The following HKDC1 variants were observed in gnomAD, a reference collection of about 807,000 sequenced individuals.
The protein encoded by HKDC1 is hexokinase HKDC1.
HKDC1 carries 66 observed loss-of-function variants against 96.6 expected under a neutral mutation model. That is an observed-to-expected ratio of 0.68 (90% confidence interval 0.56 to 0.84). The LOEUF (loss-of-function observed/expected upper bound fraction) is 0.84, where lower values mean the gene tolerates loss of function less well. Among genes scored for constraint, HKDC1 ranks in the 40% least tolerant of loss-of-function variants. The pLI, the probability that HKDC1 is intolerant of heterozygous loss-of-function variation, is 0.00. For synonymous variants in HKDC1, 466 were observed against 473.1 expected (o/e 0.98, Z 0.20); for missense variants, 1,211 against 1,208.1 (o/e 1.00, Z -0.04).
intron 1 of HKDC1, among the ~76,000 whole-genome samples, chr10:69,224,994 C>T (rs1476803776): frequency 6.6e-6 from 1 of 152,160 alleles, no homozygotes; most frequent in African/African-American, 2.4e-5. Flanking sequence ...TTCACTTTTC[C>T]CTTCTAACAA....
chr10:69,233,664 C>G (rs556200397), intron 4 of HKDC1, among the ~76,000 whole-genome samples: 1 of 150,988 alleles, frequency 6.6e-6, no homozygotes, highest in Non-Finnish European at 1.5e-5. Flanking sequence ...TTTGGGAGGC[C>G]GAGGCGGGCG....
In HKDC1 at chr10:69,266,463, T is replaced by TGAAA. The variant is rs1554871468; in HGVS notation, c.2607-147_2607-146insGAAA. 3.3e-3 allele frequency: 1,804 copies of TGAAA among 548,568 alleles called. 8 individuals carry two copies. The highest frequency in any genetic ancestry group is 4.5e-3 in the Non-Finnish European group (1,544 of 344,020). The allele number at this position is 548,568 out of a possible 1,614,324, so 34.0% of individuals were successfully genotyped here. A position where few individuals can be genotyped will look rare whatever the true frequency, so the allele number is the denominator to read the frequency against. Reference sequence around the variant, plus strand: ...CTGGGCAACAGAGTGAGACCATGTCTAAAAAAAAAAAAAAATTAGAAGAAG... The same window carrying TGAAA: ...CTGGGCAACAGAGTGAGACCATGTCTGAAAAAAAAAAAAAAAAAATTAGAAGAAG... On this transcript the variant is annotated intron_variant, in intron 17 of 17. Coordinates refer to ENST00000354624, the MANE Select transcript of HKDC1 (RefSeq NM_025130.4).
At chr10:69,261,362 C>T in intron 16 of HKDC1, 68 bp downstream of exon 16, 3 of 1,488,250 alleles carry the variant, frequency 2.0e-6, no homozygotes, top group Non-Finnish European at 2.8e-6. Context: ...GGGGTTGGGC[C>T]AATTTGAGGT....
intron 4 of HKDC1, 49 bp from the exon 5 acceptor site, chr10:69,238,993 A>T (rs767148600): frequency 7.3e-7 from 1 of 1,367,044 alleles, no homozygotes. Context: ...GCTCAGTTGC[A>T]CATCTCAGCA....
At chr10:69,265,235 C>T (rs1483227088) in intron 16 of HKDC1, 7 of 243,342 alleles carry the variant, frequency 2.9e-5, no homozygotes, top group Non-Finnish European at 3.1e-5. Context: ...TGCTCTCTAA[C>T]GAGAGGGCAC....
chr10:69,266,857 T>TCA lies in HKDC1; in HGVS notation c.*102_*103dup, dbSNP rs1231982781. The TCA allele has an allele frequency of 1.6e-6, 2 of 1,259,610 alleles. No individual in the cohort carries two copies. The highest frequency in any genetic ancestry group is 3.0e-5 in the African/African-American group (2 of 66,884). 78.0% of individuals were successfully genotyped at this position (1,259,610 alleles called of 1,614,324 possible). ...CCAATGGGCACCCTCCTGGCTGACCTCACCTTCTGGATGGCCGAAAGAGAA... is the reference window on the plus strand; with the variant it reads ...CCAATGGGCACCCTCCTGGCTGACCTCACACCTTCTGGATGGCCGAAAGAGAA... On this transcript the variant is annotated 3_prime_UTR_variant, in exon 18 of 18. Coordinates refer to ENST00000354624, the MANE Select transcript of HKDC1 (RefSeq NM_025130.4).
Position 69,247,407 on chromosome 10 carries a change from G to C in HKDC1, c.1079G>C (p.Gly360Ala). 6.2e-7 allele frequency: 1 copy of C among 1,614,008 alleles called. No individual in the cohort carries two copies. The highest frequency in any genetic ancestry group is 8.5e-7 in the Non-Finnish European group (1 of 1,179,984). ...ACAAGAGAGATCCTGGTGGACCTGG[G>C]TCTGGAACCGTCTGAGGCTGACTGC... The part of the protein sequence containing the change: ...ANTREILVDL[G>A]LEPSEADCIA... The change falls in exon 9 of 18, where the codon GGT (glycine) becomes GCT (alanine). Residue 360 changes from glycine to alanine, a missense_variant. Coordinates refer to ENST00000354624, the MANE Select transcript of HKDC1 (RefSeq NM_025130.4).
chr10:69,266,467 A>AG, intron 17 of HKDC1, 143 bp from the exon 18 acceptor site: 1 of 865,406 alleles, frequency 1.2e-6, no homozygotes, highest in Non-Finnish European at 1.7e-6. Context: ...CATGTCTAAA[A>AG]AAAAAAAAAA....
intron 15 of HKDC1, among the ~76,000 whole-genome samples, 187 bp from the exon 16 acceptor site, chr10:69,260,952 G>GGGCGCTA (rs1287414960): frequency 6.6e-6 from 1 of 152,098 alleles, no homozygotes; most frequent in Non-Finnish European, 1.5e-5. Context: ...AGTCTTGTAG[G>GGGCGCTA]GGCGCTACTC....
intron 4 of HKDC1, 88 bp downstream of exon 4, chr10:69,233,221 C>G: frequency 6.6e-7 from 1 of 1,508,892 alleles, no homozygotes; most frequent in Non-Finnish European, 8.9e-7. Context: ...CAGGAGAGAA[C>G]AGCAGGAGCT....
chr10:69,265,340 G>C (rs1843878173), intron 16 of HKDC1: 3 of 518,552 alleles, frequency 5.8e-6, no homozygotes, highest in South Asian at 4.8e-5. Flanking sequence ...TGAGATCACA[G>C]ATATGAACAT....
chr10:69,225,520 T>C (rs1843142422), intron 1 of HKDC1, among the ~76,000 whole-genome samples: 1 of 152,154 alleles, frequency 6.6e-6, no homozygotes, highest in Non-Finnish European at 1.5e-5. Flanking sequence ...TGTCTGATGA[T>C]TTTCTGGTCT....
chr10:69,253,285 G>A (rs1843672364), intron 12 of HKDC1, among the ~76,000 whole-genome samples: 1 of 152,094 alleles, frequency 6.6e-6, no homozygotes. Context: ...GCATGAGGCT[G>A]GGGCAGAGCT....
intron 16 of HKDC1, among the ~76,000 whole-genome samples, chr10:69,265,161 G>A (rs1376576345): frequency 6.6e-6 from 1 of 152,186 alleles, no homozygotes; most frequent in African/African-American, 2.4e-5. Context: ...GCCAGAGTGT[G>A]GGAGCTGGCA....
chr10:69,265,243 CACA>C (rs1843876358), intron 16 of HKDC1: 1 of 264,312 alleles, frequency 3.8e-6, no homozygotes, highest in African/African-American at 2.3e-5. Context: ...AACGAGAGGG[CACA>C]GCTCTAGCAG....
intron 1 of HKDC1, among the ~76,000 whole-genome samples, chr10:69,225,180 A>G (rs903019465): frequency 1.3e-5 from 2 of 152,162 alleles, no homozygotes; most frequent in African/African-American, 4.8e-5. Context: ...CAGGACTTAC[A>G]TGGCAGGGAT....
intron 7 of HKDC1, among the ~76,000 whole-genome samples, 197 bp from the exon 8 acceptor site, chr10:69,245,882 C>T (rs1008853925): frequency 3.3e-5 from 5 of 152,130 alleles, no homozygotes; most frequent in African/African-American, 1.2e-4. Context: ...TCCCTATGCT[C>T]GATGTGAGAA....
At position 69,267,516 on chromosome 10, in the gene HKDC1, C is replaced by T. The variant is rs1272646385; in HGVS notation, c.*759C>T. 2.2e-6 allele frequency: 1 copy of T among 451,062 alleles called. No homozygotes were observed. The highest frequency in any genetic ancestry group is 4.4e-6 in the Non-Finnish European group (1 of 225,700). 27.9% of individuals were successfully genotyped at this position (451,062 alleles called of 1,614,324 possible). ...TAAGGATTGTTAGGTATAGGAAATCCAGTAAATTAATAAAAAAATTTTGAT... is the reference window on the plus strand; with the variant it reads ...TAAGGATTGTTAGGTATAGGAAATCTAGTAAATTAATAAAAAAATTTTGAT... On this transcript the variant is annotated 3_prime_UTR_variant, in exon 18 of 18. Coordinates refer to ENST00000354624, the MANE Select transcript of HKDC1 (RefSeq NM_025130.4).
At chr10:69,221,758 C>A (rs778028120) in intron 1 of HKDC1, among the ~76,000 whole-genome samples, 4 of 151,962 alleles carry the variant, frequency 2.6e-5, no homozygotes, top group Non-Finnish European at 5.9e-5. Flanking sequence ...CATGGAGCAA[C>A]CCCATCTCTA....
Sources: allele counts gnomAD v4.1 joint callset (sites outside exome capture counted in the v4.1 genomes callset), GRCh38; gene constraint gnomAD v4.1.1; transcripts MANE v1.5; gene names NCBI Gene and HGNC (gene_info 2026-07-23, HGNC 2026-07-21).